The following CASK variants were observed in gnomAD, a reference collection of about 807,000 sequenced individuals.
CASK encodes the protein peripheral plasma membrane protein CASK.
A neutral mutation model predicts 82.9 loss-of-function variants in CASK; 4 were observed. The ratio of observed to expected loss-of-function variants is 0.05; its 90% confidence interval spans 0.02 to 0.11. The LOEUF (loss-of-function observed/expected upper bound fraction) is 0.11. CASK is among the 10% of genes least tolerant of loss of function. The pLI, the probability that CASK is intolerant of heterozygous loss-of-function variation, is 1.00. For missense variants in CASK, 358 were observed against 720.9 expected (o/e 0.50, Z 5.76); for synonymous variants, 259 against 253.5 (o/e 1.02, Z -0.20).
At chrX:41,685,835 A>T (rs1475411913) in intron 5 of CASK, among the ~76,000 whole-genome samples, 4 of 112,114 alleles carry the variant, frequency 3.6e-5, no homozygotes, top group Non-Finnish European at 7.5e-5. Context: ...ACACTGGAAG[A>T]CAATAAAATT....
intron 4 of CASK, among the ~76,000 whole-genome samples, chrX:41,744,115 G>A (rs973089533): frequency 1.9e-3 from 203 of 106,183 alleles, no homozygotes; most frequent in Non-Finnish European, 3.1e-3. Flanking sequence ...GTCCCCCGCC[G>A]CCCGCACCCC....
At position 41,685,544 on chromosome X, in the gene CASK, A is replaced by G. The variant is rs1173429439; in HGVS notation, c.430-14014T>C. On this transcript the variant is annotated intron_variant, in intron 5 of 26. Coordinates refer to ENST00000378163, the MANE Select transcript of CASK (RefSeq NM_001367721.1). ...CACCCAGGCTAGAGTGCAGTGGCAC[A>G]ATCATGGCTTACTGCAGCCTCCACC... 2.7e-5 allele frequency among the ~76,000 whole-genome samples: 3 copies of G among 111,946 alleles called. No homozygotes were observed. The Admixed American group carries it at 2.8e-4, about 11-fold the overall frequency.
chrX:41,707,361 C>T (rs184359489), intron 5 of CASK, among the ~76,000 whole-genome samples: 1 of 112,052 alleles, frequency 8.9e-6, no homozygotes, highest in East Asian at 2.8e-4. Flanking sequence ...GCTCCAGACA[C>T]GTGAGTGAGG....
intron 5 of CASK, among the ~76,000 whole-genome samples, chrX:41,713,787 A>G (rs2068020088): frequency 8.9e-6 from 1 of 111,804 alleles, no homozygotes; most frequent in African/African-American, 3.3e-5. Context: ...TAAGCAGGGT[A>G]GAGTCTTTAG....
Position 41,695,585 on chromosome X carries a change from G to A in CASK, c.430-24055C>T, listed in dbSNP as rs376489065. 6 of 860,199 alleles carry A rather than the reference G, an allele frequency of 7.0e-6. No individual in the cohort carries two copies. The African/African-American group carries it at 1.0e-4, about 14-fold the overall frequency. The allele number at this position is 860,199 out of a possible 1,213,427, so 70.9% of individuals were successfully genotyped here. On this transcript the variant is annotated intron_variant, in intron 5 of 26. Coordinates refer to ENST00000378163, the MANE Select transcript of CASK (RefSeq NM_001367721.1). ...ATCTGAAGACATAAGAACTACACATGAGGAATATGTCATTTAGCACTTTCA... is the reference window on the plus strand; with the variant it reads ...ATCTGAAGACATAAGAACTACACATAAGGAATATGTCATTTAGCACTTTCA...
At chrX:41,589,877 C>A (rs1322368353) in intron 12 of CASK, 6 of 299,495 alleles carry the variant, frequency 2.0e-5, no homozygotes, top group African/African-American at 2.7e-5. Flanking sequence ...TCCTCAATCA[C>A]AGTGTTTGTT....
chrX:41,662,654 C>T (rs941320295), intron 7 of CASK, among the ~76,000 whole-genome samples: 12 of 108,689 alleles, frequency 1.1e-4, no homozygotes, highest in African/African-American at 3.4e-4. Flanking sequence ...GGCTGGGTGT[C>T]GTGGTGCATG....
chrX:41,901,555 G>A (rs1418497307), intron 1 of CASK, among the ~76,000 whole-genome samples: 1 of 111,434 alleles, frequency 9.0e-6, no homozygotes, highest in Non-Finnish European at 1.9e-5. Flanking sequence ...GGCAGGAAAA[G>A]CCTTTTACCA....
chrX:41,891,256 T>A (rs920173070), intron 1 of CASK, among the ~76,000 whole-genome samples: 1 of 95,034 alleles, frequency 1.1e-5, no homozygotes, highest in South Asian at 5.0e-4. Context: ...AGAGAAGAAC[T>A]GGCTTCAAAG....
Position 41,843,551 on chromosome X carries a change from T to C in CASK, c.172+9564A>G, listed in dbSNP as rs147729857. On this transcript the variant is annotated intron_variant, in intron 2 of 26. Transcript: ENST00000378163. ...AAATCCTTATTCAGGTACAATTAACTTATCATACAATTTGTCCACAAAGTA... is the reference window on the plus strand; with the variant it reads ...AAATCCTTATTCAGGTACAATTAACCTATCATACAATTTGTCCACAAAGTA... Among the ~76,000 whole-genome samples the C allele has an allele frequency of 3.3e-3, 365 of 112,194 alleles. 3 individuals are homozygous for C. The highest frequency in any genetic ancestry group is 0.011 in the African/African-American group (343 of 30,922).
At chrX:41,525,513 A>C (rs1487653873) in intron 25 of CASK, among the ~76,000 whole-genome samples, 1 of 110,491 alleles carries the variant, frequency 9.1e-6, no homozygotes, top group Non-Finnish European at 1.9e-5. Flanking sequence ...AGACCCTCCC[A>C]TGTGCTCCTG....
At chrX:41,665,131 A>T (rs899372171) in intron 7 of CASK, 146 bp downstream of exon 7, 11 of 506,510 alleles carry the variant, frequency 2.2e-5, no homozygotes, top group Non-Finnish European at 3.4e-5. Flanking sequence ...AGGCCACTGG[A>T]TCAATGATGT....
intron 11 of CASK, among the ~76,000 whole-genome samples, chrX:41,620,743 T>G (rs919049450): frequency 1.8e-5 from 2 of 112,072 alleles, no homozygotes; most frequent in Non-Finnish European, 3.8e-5. Context: ...CAATAATGAA[T>G]CCTGTAATGG....
intron 8 of CASK, among the ~76,000 whole-genome samples, chrX:41,650,469 T>C (rs1395550345): frequency 9.2e-6 from 1 of 108,296 alleles, no homozygotes; most frequent in African/African-American, 3.3e-5. Flanking sequence ...TTTTTTTTTG[T>C]TTTTGACACA....
chrX:41,702,203 T>C (rs1435078931), intron 5 of CASK, among the ~76,000 whole-genome samples: 2 of 109,670 alleles, frequency 1.8e-5, no homozygotes, highest in Non-Finnish European at 3.8e-5. Flanking sequence ...CTGACCAACA[T>C]GGAGAAACCC....
chrX:41,780,069 C>T (rs775627081), intron 3 of CASK, among the ~76,000 whole-genome samples: 30 of 111,391 alleles, frequency 2.7e-4, no homozygotes, highest in Admixed American at 2.5e-3. Flanking sequence ...AAAGTCTCCC[C>T]GTGGTATATG....
chrX:41,521,110 A>C (rs776858825), intron 26 of CASK, among the ~76,000 whole-genome samples: 8 of 112,558 alleles, frequency 7.1e-5, no homozygotes, highest in African/African-American at 9.7e-5. Flanking sequence ...TTGCACCAAC[A>C]AGTCCCTGCC....
intron 9 of CASK, among the ~76,000 whole-genome samples, chrX:41,630,444 T>G (rs2066446767): frequency 8.9e-6 from 1 of 111,800 alleles, no homozygotes. Context: ...CATCATGAAG[T>G]TTGATAGGCA....
Position 41,795,801 on chromosome X carries a change from C to A in CASK, c.173-8518G>T, listed in dbSNP as rs892229218. Among the ~76,000 whole-genome samples the A allele has an allele frequency of 6.3e-5, 7 of 111,606 alleles. No individual in the cohort carries two copies. The Admixed American group carries it at 6.7e-4, about 11-fold the overall frequency. The stretch of plus-strand genomic sequence containing the variant: ...GATGCTCAGAGCCAGTGAAAACAAA[C>A]AGATGGAAGGAAGGCGGGGCCTTAA... On this transcript the variant is annotated intron_variant, in intron 2 of 26. Coordinates refer to ENST00000378163, the MANE Select transcript of CASK (RefSeq NM_001367721.1).
Sources: allele counts gnomAD v4.1 joint callset (sites outside exome capture counted in the v4.1 genomes callset), GRCh38; gene constraint gnomAD v4.1.1; transcripts MANE v1.5; gene names NCBI Gene and HGNC (gene_info 2026-07-23, HGNC 2026-07-21).